The following EPB41L5 variants were observed in gnomAD, a reference collection of about 807,000 sequenced individuals.
EPB41L5 encodes the protein band 4.1-like protein 5.
EPB41L5 carries 55 observed loss-of-function variants against 106.6 expected under a neutral mutation model. The observed-to-expected ratio is 0.52, with a 90% CI of 0.42 to 0.65. The LOEUF is 0.65. Ranked by LOEUF, EPB41L5 falls within the 30% of genes least tolerant of loss-of-function variation. The pLI is 0.00. For synonymous variants in EPB41L5, 297 were observed against 306.7 expected (o/e 0.97, Z 0.33); for missense variants, 871 against 882.1 (o/e 0.99, Z 0.16).
intron 16 of EPB41L5, chr2:120,104,824 A>C: frequency 1.0e-6 from 1 of 955,596 alleles, no homozygotes; most frequent in Admixed American, 6.2e-5. Context: ...AACTTACCAA[A>C]AGATTTAGAG....
At chr2:120,127,564 T>G in intron 16 of EPB41L5, 124 bp from the exon 17 acceptor site, 2 of 714,098 alleles carry the variant, frequency 2.8e-6, no homozygotes, top group Non-Finnish European at 4.4e-6. Context: ...TTTTGTTTTA[T>G]TTTTGATTCA....
intron 11 of EPB41L5, among the ~76,000 whole-genome samples, chr2:120,088,101 CTA>C (rs1206960616): frequency 6.6e-6 from 1 of 152,246 alleles, no homozygotes; most frequent in East Asian, 1.9e-4. Context: ...AGTCTAGACA[CTA>C]TGTATATGGG....
intron 16 of EPB41L5, among the ~76,000 whole-genome samples, chr2:120,125,713 TTTTC>T (rs1685430935): frequency 1.3e-5 from 2 of 152,196 alleles, no homozygotes; most frequent in Admixed American, 6.5e-5. Flanking sequence ...TTTTTTTGTC[TTTTC>T]TTTTATGGCC....
chr2:120,158,980 C>G (rs1346909107), intron 20 of EPB41L5, among the ~76,000 whole-genome samples: 2 of 152,132 alleles, frequency 1.3e-5, no homozygotes, highest in East Asian at 3.9e-4. Context: ...GAACGCAGTC[C>G]TATTCACAAT....
chr2:120,030,359 G>A (rs765238263), intron 2 of EPB41L5, among the ~76,000 whole-genome samples: 2 of 152,144 alleles, frequency 1.3e-5, no homozygotes, highest in Non-Finnish European at 2.9e-5. Context: ...CCTAAGATCC[G>A]TGCTTGAGAT....
chr2:120,171,267 CCAGTTCACA>C (rs1375495299), intron 24 of EPB41L5, among the ~76,000 whole-genome samples: 4 of 152,252 alleles, frequency 2.6e-5, no homozygotes, highest in African/African-American at 9.6e-5. Flanking sequence ...AAAAAGCAAG[CCAGTTCACA>C]CTGCAGAACC....
intron 3 of EPB41L5, among the ~76,000 whole-genome samples, chr2:120,061,463 T>C (rs910543237): frequency 1.3e-5 from 2 of 151,860 alleles, no homozygotes; most frequent in South Asian, 4.2e-4. Context: ...GACCTCGTGA[T>C]CCGCCCGCCT....
chr2:120,129,913 A>G (rs1250386156), intron 17 of EPB41L5, among the ~76,000 whole-genome samples: 2 of 152,190 alleles, frequency 1.3e-5, no homozygotes, highest in Non-Finnish European at 2.9e-5. Flanking sequence ...CGGGAGGCCA[A>G]GGCAGGCGGA....
intron 16 of EPB41L5, among the ~76,000 whole-genome samples, chr2:120,115,633 G>A (rs1212183864): frequency 4.0e-5 from 6 of 151,692 alleles, no homozygotes; most frequent in East Asian, 1.9e-4. Flanking sequence ...CTTGTGATCC[G>A]CCTGCCTCGG....
At chr2:120,055,301 A>T (rs75091001) in intron 3 of EPB41L5, among the ~76,000 whole-genome samples, 1 of 152,018 alleles carries the variant, frequency 6.6e-6, no homozygotes, top group African/African-American at 2.4e-5. Flanking sequence ...GGTTATTCTG[A>T]GTCCCTTGCA....
intron 17 of EPB41L5, among the ~76,000 whole-genome samples, chr2:120,130,571 A>AT (rs1192911501): frequency 6.6e-6 from 1 of 152,234 alleles, no homozygotes; most frequent in East Asian, 1.9e-4. Flanking sequence ...AAACCAGGAG[A>AT]TGGCAATTAA....
chr2:120,167,745 AAACAAAC>A, intron 23 of EPB41L5, 125 bp from the exon 24 acceptor site: 1 of 1,232,102 alleles, frequency 8.1e-7, no homozygotes, highest in Non-Finnish European at 1.1e-6. Context: ...AAGAAAAACA[AAACAAAC>A]AGTCATAATT....
intron 16 of EPB41L5, chr2:120,104,820 C>A (rs1299032870): frequency 2.1e-6 from 2 of 947,248 alleles, no homozygotes; most frequent in East Asian, 1.2e-4. Flanking sequence ...TTTTAACTTA[C>A]CAAAAGATTT....
intron 2 of EPB41L5, among the ~76,000 whole-genome samples, chr2:120,034,557 A>G (rs572196686): frequency 6.6e-6 from 1 of 152,180 alleles, no homozygotes; most frequent in Non-Finnish European, 1.5e-5. Flanking sequence ...CCATTAGCAA[A>G]TTTTAGCACA....
intron 20 of EPB41L5, among the ~76,000 whole-genome samples, chr2:120,149,892 C>CTTTTTT (rs34014223): frequency 4.5e-5 from 5 of 110,926 alleles, no homozygotes; most frequent in East Asian, 2.6e-4. Context: ...TTTCACTGTA[C>CTTTTTT]TTTTTTTTTT....
At chr2:120,047,195 A>T (rs1281862759) in intron 3 of EPB41L5, among the ~76,000 whole-genome samples, 2 of 152,156 alleles carry the variant, frequency 1.3e-5, no homozygotes, top group African/African-American at 4.8e-5. Flanking sequence ...CAATTCTGTG[A>T]AGAAAGTCAT....
chr2:120,166,394 TTC>T (rs1008296246), intron 22 of EPB41L5, among the ~76,000 whole-genome samples: 8 of 152,248 alleles, frequency 5.3e-5, no homozygotes, highest in Non-Finnish European at 8.8e-5. Context: ...ATGATATTTT[TTC>T]TCTCTTATTT....
At chr2:120,129,335 C>CAA (rs759787102) in intron 17 of EPB41L5, among the ~76,000 whole-genome samples, 5 of 88,902 alleles carry the variant, frequency 5.6e-5, no homozygotes, top group Admixed American at 5.1e-4. Context: ...GACTCTGTCT[C>CAA]AAAAAAAAAA....
chr2:120,093,896 A>G (rs1280804385), intron 14 of EPB41L5, among the ~76,000 whole-genome samples: 1 of 152,178 alleles, frequency 6.6e-6, no homozygotes, highest in Non-Finnish European at 1.5e-5. Context: ...AGAATTCACC[A>G]TTAAAGCCAT....
Sources: gnomAD v4.1 joint callset for allele counts (sites outside exome capture counted in the v4.1 genomes callset) on GRCh38, gnomAD v4.1.1 for gene constraint, MANE v1.5 for transcripts, NCBI Gene and HGNC (gene_info 2026-07-23, HGNC 2026-07-21) for gene names.